RYR2: variants seen among roughly 807,000 people sequenced by gnomAD.
RYR2 encodes ryanodine receptor 2.
Under a neutral mutation model 601.1 loss-of-function variants are expected in RYR2, and 227 were observed. The observed-to-expected ratio is 0.38, with a 90% CI of 0.34 to 0.42. RYR2 has a LOEUF of 0.42. Ranked by LOEUF, RYR2 falls within the 10% of genes least tolerant of loss-of-function variation. The pLI, the probability that RYR2 is intolerant of heterozygous loss-of-function variation, is 1.00. For synonymous variants in RYR2, 2,223 were observed against 2,175.1 expected (o/e 1.02, Z -0.61); for missense variants, 4,646 against 6,156.5 (o/e 0.75, Z 8.21).
chr1:237,432,254 A>C (rs1706896412), intron 12 of RYR2, among the ~76,000 whole-genome samples: 1 of 152,100 alleles, frequency 6.6e-6, no homozygotes, highest in Non-Finnish European at 1.5e-5. Flanking sequence ...TGTACTTCAG[A>C]TTATTCAAGG....
At chr1:237,594,901 T>TTG (rs1675676478) in intron 33 of RYR2, among the ~76,000 whole-genome samples, 1 of 20,256 alleles carries the variant, frequency 4.9e-5, no homozygotes, top group African/African-American at 9.2e-5. Context: ...TTTTTTTTTT[T>TTG]TTTTTTTTTT....
intron 25 of RYR2, among the ~76,000 whole-genome samples, chr1:237,532,615 C>T (rs1286876015): frequency 6.6e-6 from 1 of 152,008 alleles, no homozygotes; most frequent in Non-Finnish European, 1.5e-5. Context: ...AACCAAAAAA[C>T]AACAACCTAG....
At chr1:237,591,141 CTCCTCCCCCTCCTCCTCT>C in intron 31 of RYR2, 149 bp downstream of exon 31, 7 of 76,512 alleles carry the variant, frequency 9.1e-5, no homozygotes, top group Non-Finnish European at 1.0e-4. Flanking sequence ...CCCCCTCCTC[CTCCTCCCCCTCCTCCTCT>C]TCCCCCTTCT....
intron 1 of RYR2, among the ~76,000 whole-genome samples, chr1:237,146,393 G>C (rs1382295563): frequency 6.6e-6 from 1 of 152,156 alleles, no homozygotes; most frequent in Non-Finnish European, 1.5e-5. Flanking sequence ...GGAGAAAGTT[G>C]TTCAGTTGAC....
At position 237,610,145 on chromosome 1, in the gene RYR2, A is replaced by G. The variant is rs1360269266; in HGVS notation, c.4684-617A>G. ...TGAAGAAACTTTTGGCAAAGCAGAG[A>G]CCTCTCTTTCTTTGACACCAGACAG... On this transcript the variant is annotated intron_variant, in intron 35 of 104. Coordinates refer to ENST00000366574, the MANE Select transcript of RYR2 (RefSeq NM_001035.3). This position sits in a 1 kb window ranked among gnomAD's most constrained non-coding sequence, Gnocchi z 4.9. Among the ~76,000 whole-genome samples the G allele has an allele frequency of 6.6e-6, 1 of 152,136 alleles. No homozygotes were observed. Among genetic ancestry groups the G allele is most frequent in the African/African-American group, 2.4e-5 (1 of 41,422 alleles).
At chr1:237,184,297 G>A (rs1171530832) in intron 1 of RYR2, among the ~76,000 whole-genome samples, 1 of 152,210 alleles carries the variant, frequency 6.6e-6, no homozygotes, top group Admixed American at 6.5e-5. Flanking sequence ...TCATCTCCCT[G>A]CTGTCTTAGG....
At chr1:237,547,867 G>A (rs1018796627) in intron 25 of RYR2, among the ~76,000 whole-genome samples, 14 of 152,142 alleles carry the variant, frequency 9.2e-5, no homozygotes, top group African/African-American at 3.1e-4. Flanking sequence ...TTATATAGCT[G>A]TGATTTTCTT....
intron 29 of RYR2, among the ~76,000 whole-genome samples, chr1:237,574,436 C>G (rs1673022834): frequency 6.6e-6 from 1 of 151,216 alleles, no homozygotes. Flanking sequence ...ATAACCCTCT[C>G]CTCTTGAGTG....
intron 29 of RYR2, among the ~76,000 whole-genome samples, chr1:237,575,977 T>C (rs1673180716): frequency 2.1e-5 from 3 of 143,280 alleles, no homozygotes; most frequent in Non-Finnish European, 3.1e-5. Flanking sequence ...GAAAAGTAAA[T>C]TAAAGATACC....
intron 41 of RYR2, among the ~76,000 whole-genome samples, chr1:237,629,694 C>CAA (rs1157389939): frequency 1.3e-5 from 2 of 151,806 alleles, no homozygotes; most frequent in African/African-American, 4.8e-5. Flanking sequence ...AATGGAATAC[C>CAA]AAGTTTTTCT....
chr1:237,059,266 T>A (rs1662557687), intron 1 of RYR2, among the ~76,000 whole-genome samples: 1 of 152,128 alleles, frequency 6.6e-6, no homozygotes, highest in Non-Finnish European at 1.5e-5. Context: ...TCGGGGTTAA[T>A]AATGATGATG....
chr1:237,257,551 A>G (rs567914213), intron 1 of RYR2, among the ~76,000 whole-genome samples: 3 of 152,330 alleles, frequency 2.0e-5, no homozygotes, highest in Admixed American at 1.3e-4. Context: ...AGTATCATTC[A>G]TTCTTTATTC....
chr1:237,694,121 C>T (rs541294673), intron 63 of RYR2, among the ~76,000 whole-genome samples: 27 of 151,606 alleles, frequency 1.8e-4, no homozygotes, highest in Middle Eastern at 3.4e-3. Context: ...GGTGAAACCC[C>T]GTCTCTGCTA....
intron 17 of RYR2, among the ~76,000 whole-genome samples, chr1:237,475,350 T>TG (rs558587522): frequency 2.0e-4 from 31 of 152,326 alleles, no homozygotes; most frequent in African/African-American, 7.2e-4. Flanking sequence ...TCTGTTTTTG[T>TG]GGGGTTTTTT....
intron 25 of RYR2, among the ~76,000 whole-genome samples, chr1:237,541,165 A>G (rs1669220342): frequency 1.3e-5 from 2 of 152,228 alleles, no homozygotes; most frequent in Admixed American, 1.3e-4. Context: ...TTTTGTGTGT[A>G]GTGGGTAAAT....
chr1:237,550,722 T>C, intron 27 of RYR2, 31 bp downstream of exon 27: 1 of 1,533,786 alleles, frequency 6.5e-7, no homozygotes, highest in Non-Finnish European at 8.8e-7. Context: ...TCTTCTTCGG[T>C]TGCAAGATGA....
intron 62 of RYR2, among the ~76,000 whole-genome samples, chr1:237,686,685 G>A (rs1031543283): frequency 2.6e-5 from 4 of 152,212 alleles, no homozygotes; most frequent in South Asian, 4.1e-4. Flanking sequence ...GGATACCAGC[G>A]TTGTCAGGCT....
intron 100 of RYR2, among the ~76,000 whole-genome samples, chr1:237,812,021 C>G (rs963690558): frequency 6.6e-6 from 1 of 152,124 alleles, no homozygotes; most frequent in Admixed American, 6.5e-5. Flanking sequence ...TAGCACTTGG[C>G]TATAAATGCT....
chr1:237,576,660 T>G (rs542768948), intron 29 of RYR2, among the ~76,000 whole-genome samples: 35 of 152,180 alleles, frequency 2.3e-4, no homozygotes, highest in African/African-American at 8.2e-4. Context: ...GAACATTCAT[T>G]TAAAAAAATG....
Sources: gnomAD v4.1 joint callset for allele counts (sites outside exome capture counted in the v4.1 genomes callset) on GRCh38, gnomAD v4.1.1 for gene constraint, Gnocchi (gnomAD v3.1) non-coding constraint, MANE v1.5 for transcripts, NCBI Gene and HGNC (gene_info 2026-07-23, HGNC 2026-07-21) for gene names.